The following PXDNL variants were observed in gnomAD, a reference collection of about 807,000 sequenced individuals.
PXDNL encodes peroxidasin like.
Under a neutral mutation model 150.8 loss-of-function variants are expected in PXDNL, and 145 were observed. The observed-to-expected ratio is 0.96, with a 90% CI of 0.84 to 1.10. PXDNL has a LOEUF of 1.10. PXDNL is among the 50% of genes least tolerant of loss of function. The pLI, the probability that PXDNL is intolerant of heterozygous loss-of-function variation, is 0.00. For missense variants in PXDNL, 2,087 were observed against 1,873.9 expected, an observed-to-expected ratio of 1.11 and a Z score of -2.10; for synonymous variants, 757 against 725.7, an observed-to-expected ratio of 1.04 and a Z score of -0.69.
intron 4 of PXDNL, among the ~76,000 whole-genome samples, chr8:51,544,258 A>G (rs1466073918): frequency 2.0e-5 from 3 of 152,160 alleles, no homozygotes; most frequent in Non-Finnish European, 2.9e-5. Context: ...GTGAACATGA[A>G]GTGCAGGTAT....
At chr8:51,699,247 A>G (rs1346808376) in intron 1 of PXDNL, among the ~76,000 whole-genome samples, 1 of 152,176 alleles carries the variant, frequency 6.6e-6, no homozygotes, top group Non-Finnish European at 1.5e-5. Flanking sequence ...ATCTGGAACC[A>G]CCTTCATCAA....
intron 17 of PXDNL, among the ~76,000 whole-genome samples, chr8:51,406,222 C>T (rs1808432312): frequency 1.3e-5 from 2 of 152,222 alleles, no homozygotes; most frequent in Non-Finnish European, 2.9e-5. Flanking sequence ...TCAAATTGCA[C>T]AAGACGTCAT....
rs572812447 is a variant in PXDNL, at chr8:51,544,333, T to G, written c.380+12507A>C. On this transcript the variant is annotated intron_variant, in intron 4 of 22. Coordinates refer to ENST00000356297, the MANE Select transcript of PXDNL (RefSeq NM_144651.5). ...AGGGGTGAGGCCTGATAATAAATTA[T>G]CATCCATTTTCTTTCATAAAAATTC... 3.3e-5 allele frequency among the ~76,000 whole-genome samples: 5 copies of G among 152,312 alleles called. No individual in the cohort carries two copies. The East Asian group carries it at 9.7e-4, about 29-fold the overall frequency.
intron 6 of PXDNL, among the ~76,000 whole-genome samples, chr8:51,478,021 A>T (rs1810520335): frequency 6.6e-6 from 1 of 152,188 alleles, no homozygotes; most frequent in Non-Finnish European, 1.5e-5. Flanking sequence ...AGTATAGTAT[A>T]GTATAAAAGT....
intron 21 of PXDNL, among the ~76,000 whole-genome samples, chr8:51,322,873 A>T (rs973329180): frequency 1.3e-5 from 2 of 152,202 alleles, no homozygotes; most frequent in African/African-American, 4.8e-5. Flanking sequence ...CCACCCATTC[A>T]TTACTCAATA....
chr8:51,499,703 G>T lies in PXDNL; in HGVS notation c.448C>A (p.Arg150=), dbSNP rs548965225. 3 of 1,609,488 alleles carry T rather than the reference G, an allele frequency of 1.9e-6. No homozygotes were observed. The highest frequency in any genetic ancestry group is 1.1e-5 in the South Asian group (1 of 90,978). Residue 150 remains arginine, a synonymous_variant, in exon 5 of 23, where the codon CGA becomes AGA. Coordinates refer to ENST00000356297, the MANE Select transcript of PXDNL (RefSeq NM_144651.5). The part of the protein sequence containing the change: ...ETFGDLLRLE[R]LFLHNNKLSK... ...ATCTAAAGGGTCAACACTTACAGTCGCTCTAATCTCAGAAGGTCTCCAAAG... is the reference window on the plus strand; with the variant it reads ...ATCTAAAGGGTCAACACTTACAGTCTCTCTAATCTCAGAAGGTCTCCAAAG...
Position 51,483,675 on chromosome 8 carries a change from C to G in PXDNL, c.492G>C (p.Gly164=). ...HNNKLSKIPA[G]SFSNLDSLKR... is the part of the protein sequence containing the mutation. ...TTAATGAATCCAGATTAGAAAAGCT[C>G]CCAGCTGGAATTTTAGATAATTTGT... The change falls in exon 6 of 23, where the codon GGG becomes GGC. Residue 164 remains glycine (G), a synonymous_variant. Coordinates refer to ENST00000356297, the MANE Select transcript of PXDNL (RefSeq NM_144651.5). The G allele has an allele frequency of 6.6e-7, 1 of 1,525,600 alleles. No individual in the cohort carries two copies. Among genetic ancestry groups the G allele is most frequent in the Non-Finnish European group, 8.9e-7 (1 of 1,126,388 alleles). The allele number at this position is 1,525,600 out of a possible 1,614,324, so 94.5% of individuals were successfully genotyped here.
intron 1 of PXDNL, among the ~76,000 whole-genome samples, chr8:51,743,811 C>A (rs535328521): frequency 6.6e-6 from 1 of 151,788 alleles, no homozygotes; most frequent in Non-Finnish European, 1.5e-5. Context: ...CCACAGTGCC[C>A]GGCCCCTACT....
rs569283946 is a variant in PXDNL at position 51,533,901 on chromosome 8, C to T, written c.380+22939G>A. On this transcript the variant is annotated intron_variant, in intron 4 of 22. Coordinates refer to ENST00000356297, the MANE Select transcript of PXDNL (RefSeq NM_144651.5). ...GCCAAGATTGCAGCCTCTGCCCAGC[C>T]GCCACCCCGTCTGGGAAGTGAGGAG... Among the ~76,000 whole-genome samples the T allele has an allele frequency of 4.6e-5, 7 of 151,204 alleles. No homozygotes were observed. The East Asian group carries it at 1.0e-3, about 22-fold the overall frequency.
chr8:51,616,380 C>T (rs911015534), intron 2 of PXDNL, among the ~76,000 whole-genome samples: 1 of 152,154 alleles, frequency 6.6e-6, no homozygotes, highest in African/African-American at 2.4e-5. Context: ...TGCCATACTC[C>T]CTACAACTTA....
At chr8:51,388,409 A>G (rs1475899877) in intron 17 of PXDNL, among the ~76,000 whole-genome samples, 2 of 152,098 alleles carry the variant, frequency 1.3e-5, no homozygotes, top group African/African-American at 2.4e-5. Flanking sequence ...ATTCTTTCCA[A>G]CTTGAGTTAG....
At chr8:51,600,555 T>C (rs1405625763) in intron 2 of PXDNL, among the ~76,000 whole-genome samples, 9 of 134,576 alleles carry the variant, frequency 6.7e-5, no homozygotes, top group East Asian at 4.2e-4. Context: ...ATATCTTATA[T>C]AAATTATATC....
chr8:51,690,751 T>A (rs1173768368), intron 1 of PXDNL, among the ~76,000 whole-genome samples: 4 of 151,172 alleles, frequency 2.6e-5, no homozygotes, highest in Non-Finnish European at 5.9e-5. Flanking sequence ...CCACACTGAC[T>A]TCCACAATGG....
At chr8:51,555,377 T>C (rs2130538119) in intron 4 of PXDNL, among the ~76,000 whole-genome samples, 1 of 152,298 alleles carries the variant, frequency 6.6e-6, no homozygotes, top group African/African-American at 2.4e-5. Context: ...TCCCACTTCT[T>C]AATGCTGCTA....
intron 4 of PXDNL, among the ~76,000 whole-genome samples, chr8:51,552,598 G>T (rs111685684): frequency 2.0e-5 from 3 of 152,126 alleles, no homozygotes; most frequent in Admixed American, 2.0e-4. Flanking sequence ...GCCAAATATC[G>T]TAGGTTCTCA....
At position 51,319,914 on chromosome 8, in the gene PXDNL, T is replaced by A; in HGVS notation, c.4369A>T (p.Ser1457Cys). 1 of 1,550,326 alleles carries A rather than the reference T, an allele frequency of 6.5e-7. No individual in the cohort carries two copies. The change falls in exon 23 of 23, where the codon AGT (serine) becomes TGT (cysteine). Residue 1457 changes from serine to cysteine, a missense_variant. Ser to Cys is a moderately radical substitution (Grantham distance 112). Coordinates refer to ENST00000356297, the MANE Select transcript of PXDNL (RefSeq NM_144651.5). ...CPVCRDRGMP[S>C]DSPEKR ...TATTAGCGCTTCTCTGGGGAATCAC[T>A]TGGCATTCCTCGGTCTCTGCAAACT...
chr8:51,699,097 G>A (rs1032765337), intron 1 of PXDNL, among the ~76,000 whole-genome samples: 4 of 152,146 alleles, frequency 2.6e-5, no homozygotes, highest in African/African-American at 9.7e-5. Flanking sequence ...AATGGTAAAA[G>A]AGATGTGGCT....
chr8:51,714,842 G>C (rs1215781860), intron 1 of PXDNL, among the ~76,000 whole-genome samples: 1 of 152,132 alleles, frequency 6.6e-6, no homozygotes. Context: ...AAATTCAAAA[G>C]CTGCAATTGT....
At chr8:51,381,809 C>A (rs10098035) in intron 17 of PXDNL, among the ~76,000 whole-genome samples, 2 of 150,694 alleles carry the variant, frequency 1.3e-5, no homozygotes, top group East Asian at 3.9e-4. Flanking sequence ...CCCGTCCCCA[C>A]GCCCAGCTAA....
Sources: gnomAD v4.1 joint callset for allele counts (sites outside exome capture counted in the v4.1 genomes callset) on GRCh38, gnomAD v4.1.1 for gene constraint, MANE v1.5 for transcripts, NCBI Gene and HGNC (gene_info 2026-07-23, HGNC 2026-07-21) for gene names.